Variants in ALPK2 observed in about 807,000 individuals in gnomAD.
The protein encoded by ALPK2 is alpha kinase 2, also known as alpha-protein kinase 2.
Under a neutral mutation model 163.1 loss-of-function variants are expected in ALPK2, and 127 were observed. That is an observed-to-expected ratio of 0.78 (90% CI 0.67 to 0.90). The LOEUF (loss-of-function observed/expected upper bound fraction) is 0.90, where lower values mean the gene tolerates loss of function less well. Ranked by LOEUF, ALPK2 falls within the 40% of genes least tolerant of loss-of-function variation. The probability of loss-of-function intolerance (pLI) is 0.00; values close to 1 mark genes in which losing one functional copy is unlikely to be tolerated. For missense variants in ALPK2, 2,360 were observed against 2,589.6 expected (o/e 0.91, Z 1.92); for synonymous variants, 953 against 959.1 (o/e 0.99, Z 0.12).
chr18:58,527,926 T>A (rs1288745668), intron 6 of ALPK2, among the ~76,000 whole-genome samples: 1 of 152,230 alleles, frequency 6.6e-6, no homozygotes, highest in Non-Finnish European at 1.5e-5. Flanking sequence ...ATATATGATT[T>A]AATTAAACAG....
At chr18:58,531,362 G>T (rs1326934159) in intron 5 of ALPK2, among the ~76,000 whole-genome samples, 2 of 152,014 alleles carry the variant, frequency 1.3e-5, no homozygotes, top group Non-Finnish European at 2.9e-5. Flanking sequence ...CAGACTGCTG[G>T]GTAGGGCACA....
chr18:58,543,047 A>G (rs2051698558), intron 4 of ALPK2, among the ~76,000 whole-genome samples: 1 of 152,178 alleles, frequency 6.6e-6, no homozygotes, highest in Non-Finnish European at 1.5e-5. Context: ...TGGATTAATG[A>G]ATTAATGGGC....
intron 4 of ALPK2, among the ~76,000 whole-genome samples, chr18:58,561,380 AG>A (rs2051824897): frequency 2.0e-5 from 3 of 152,226 alleles, no homozygotes; most frequent in African/African-American, 7.2e-5. Context: ...GAATCCTTTA[AG>A]GTCAAATCTA....
chr18:58,562,281 A>G (rs1226856749), intron 4 of ALPK2, among the ~76,000 whole-genome samples: 1 of 152,250 alleles, frequency 6.6e-6, no homozygotes, highest in Non-Finnish European at 1.5e-5. Flanking sequence ...TCTCTCTACC[A>G]TCAGTGCAGA....
chr18:58,523,894 G>A (rs566391221), intron 7 of ALPK2, 41 bp downstream of exon 7: 16 of 1,614,128 alleles, frequency 9.9e-6, no homozygotes, highest in South Asian at 4.4e-5. Context: ...CATTGTGAAC[G>A]GGCAGGGGCC....
intron 3 of ALPK2, among the ~76,000 whole-genome samples, chr18:58,606,582 A>G (rs2144226760): frequency 6.6e-6 from 1 of 152,300 alleles, no homozygotes; most frequent in South Asian, 2.1e-4. Flanking sequence ...GCTGGAACTC[A>G]GTAAGTCTTT....
In ALPK2 at chr18:58,580,027, T is replaced by C. The variant is rs201475340; in HGVS notation, c.749A>G (p.Asp250Gly). The change falls in exon 4 of 13, where the codon GAT (aspartate) becomes GGT (glycine). Residue 250 changes from aspartate (D) to glycine (G), a missense_variant. Asp to Gly is a moderately conservative substitution (Grantham distance 94, BLOSUM62 -1). Transcript: ENST00000361673. ...GCGTAAGCCTTCATCATGAGGACCA[T>C]CATTGTTCAGGTCACCATCCGTGAA... ...SKFTDGDLNN[D>G]GPHDEGLRSS... The C allele has an allele frequency of 2.2e-5, 35 of 1,614,114 alleles. No individual in the cohort carries two copies. Among genetic ancestry groups the C allele is most frequent in the Admixed American group, 6.7e-5 (4 of 60,016 alleles).
chr18:58,615,369 T>C (rs1358885097), intron 1 of ALPK2, among the ~76,000 whole-genome samples: 1 of 151,888 alleles, frequency 6.6e-6, no homozygotes, highest in African/African-American at 2.4e-5. Context: ...GGAGGCCCCA[T>C]AGAACTGTGA....
intron 10 of ALPK2, among the ~76,000 whole-genome samples, chr18:58,510,080 T>A (rs1224683496): frequency 6.6e-6 from 1 of 152,228 alleles, no homozygotes; most frequent in African/African-American, 2.4e-5. Context: ...AAGGAAGGGA[T>A]CCAGTTTCAG....
At chr18:58,616,824 G>A (rs2052171628) in intron 1 of ALPK2, among the ~76,000 whole-genome samples, 2 of 152,308 alleles carry the variant, frequency 1.3e-5, no homozygotes, top group South Asian at 4.1e-4. Context: ...TTAACCCCAA[G>A]AGGTGCTCAT....
At chr18:58,523,287 G>A (rs889555741) in intron 8 of ALPK2, among the ~76,000 whole-genome samples, 2 of 151,680 alleles carry the variant, frequency 1.3e-5, no homozygotes, top group Non-Finnish European at 2.9e-5. Context: ...GTGTATATGT[G>A]CCACATTTTC....
intron 11 of ALPK2, among the ~76,000 whole-genome samples, chr18:58,503,701 C>A (rs183419575): frequency 3.8e-3 from 581 of 152,124 alleles, no homozygotes; most frequent in African/African-American, 0.013. Flanking sequence ...CCTGTCCCCC[C>A]CTAGAATTTT....
At chr18:58,526,017 G>A (rs569882021) in intron 6 of ALPK2, among the ~76,000 whole-genome samples, 1 of 147,448 alleles carries the variant, frequency 6.8e-6, no homozygotes, top group Non-Finnish European at 1.5e-5. Context: ...GGGTCTTCTA[G>A]TCTGGGAGGA....
At position 58,611,785 on chromosome 18, in the gene ALPK2, CGG is replaced by C. The variant is rs752616277; in HGVS notation, c.11_12del (p.Ser4Ter). 18 of 1,591,556 alleles carry C rather than the reference CGG, an allele frequency of 1.1e-5. No homozygotes were observed. The highest frequency in any genetic ancestry group is 1.5e-5 in the Non-Finnish European group (18 of 1,171,678). On this transcript the variant is annotated frameshift_variant, in exon 2 of 13. Coordinates refer to ENST00000361673, the MANE Select transcript of ALPK2 (RefSeq NM_052947.4). LOFTEE classifies it high-confidence loss of function. Reference sequence around the variant, plus strand: ...CACAGCGGGGGCCTCTGGGGCCCTTCGGAGTCTTTCATCCTTTCATGCCGCAC... The same window carrying C: ...CACAGCGGGGGCCTCTGGGGCCCTTCAGTCTTTCATCCTTTCATGCCGCAC... MKD[S>X]EGPQRPPLCF...
intron 5 of ALPK2, 77 bp from the exon 6 acceptor site, chr18:58,529,315 TGAGA>T: frequency 7.3e-7 from 1 of 1,367,260 alleles, no homozygotes; most frequent in Non-Finnish European, 1.0e-6. Flanking sequence ...ATAACAATCC[TGAGA>T]GACAGGAATA....
At chr18:58,616,688 G>A (rs772837382) in intron 1 of ALPK2, among the ~76,000 whole-genome samples, 109 of 152,288 alleles carry the variant, frequency 7.2e-4, no homozygotes, top group Non-Finnish European at 1.1e-3. Context: ...CCTGCAAATC[G>A]CCTATGGATC....
chr18:58,580,459 C>G lies in ALPK2; in HGVS notation c.317G>C (p.Cys106Ser). The change falls in exon 4 of 13, where the codon TGC (cysteine) becomes TCC (serine). Residue 106 changes from cysteine (C) to serine (S), a missense_variant. Cys to Ser is a moderately radical substitution (Grantham distance 112, BLOSUM62 -1). Transcript: ENST00000361673. ...AGACAATTGTGGGTTCTCTGATGAG[C>G]ACTCAACCTCAACGGAAGCAGAACA... ...ICCSASVEVE[C>S]SSENPQLSPN... The G allele has an allele frequency of 6.2e-7, 1 of 1,614,134 alleles. No individual in the cohort carries two copies. Among genetic ancestry groups the G allele is most frequent in the Non-Finnish European group, 8.5e-7 (1 of 1,180,010 alleles).
At chr18:58,574,576 G>A (rs1163068365) in intron 4 of ALPK2, among the ~76,000 whole-genome samples, 1 of 152,028 alleles carries the variant, frequency 6.6e-6, no homozygotes, top group Non-Finnish European at 1.5e-5. Flanking sequence ...GGCAGGACAT[G>A]AACCCAGTTG....
In ALPK2 at chr18:58,600,118, C is replaced by A. The variant is rs970906417; in HGVS notation, c.227+7204G>T. On this transcript the variant is annotated intron_variant, in intron 3 of 12. Coordinates refer to ENST00000361673, the MANE Select transcript of ALPK2 (RefSeq NM_052947.4). ...GTGGCATGATCTCTGCTCACTGCAA[C>A]CTCCGCCTCCCGGGTTCAAGTGATT... 5.7e-5 allele frequency among the ~76,000 whole-genome samples: 8 copies of A among 140,420 alleles called. No homozygotes were observed. The South Asian group carries it at 1.2e-3, about 20-fold the overall frequency. 92.1% of individuals were successfully genotyped at this position (140,420 alleles called of 152,430 possible). A position where few individuals can be genotyped will look rare whatever the true frequency, so the allele number is the denominator to read the frequency against.
Sources: allele counts gnomAD v4.1 joint callset (sites outside exome capture counted in the v4.1 genomes callset), GRCh38; gene constraint gnomAD v4.1.1; transcripts MANE v1.5; gene names NCBI Gene and HGNC (gene_info 2026-07-23, HGNC 2026-07-21).